Variants in SNTG1 observed in about 807,000 individuals in gnomAD.
The protein encoded by SNTG1 is syntrophin gamma 1, also known as gamma-1-syntrophin.
Under a neutral mutation model 74.7 loss-of-function variants are expected in SNTG1, and 39 were observed. The ratio of observed to expected loss-of-function variants is 0.52; its 90% CI spans 0.40 to 0.68. SNTG1 has a LOEUF of 0.68. Among genes scored for constraint, SNTG1 ranks in the 30% least tolerant of loss-of-function variants. SNTG1 has a pLI of 0.00. For missense variants in SNTG1, 685 were observed against 609.5 expected, an observed-to-expected ratio of 1.12 and a Z score of -1.30; for synonymous variants, 254 against 217.1, an observed-to-expected ratio of 1.17 and a Z score of -1.49.
intron 4 of SNTG1, among the ~76,000 whole-genome samples, chr8:50,411,705 T>C (rs943980559): frequency 3.3e-5 from 5 of 152,196 alleles, no homozygotes; most frequent in Non-Finnish European, 7.3e-5. Flanking sequence ...ATGTGATGTT[T>C]CTTTTTTGCC....
intron 15 of SNTG1, among the ~76,000 whole-genome samples, chr8:50,689,834 T>C (rs2095369639): frequency 6.6e-6 from 1 of 152,236 alleles, no homozygotes; most frequent in Non-Finnish European, 1.5e-5. Context: ...TACCAGCTCC[T>C]CTTTGTACCT....
intron 17 of SNTG1, among the ~76,000 whole-genome samples, chr8:50,718,257 C>T (rs977237910): frequency 6.6e-6 from 1 of 152,074 alleles, no homozygotes; most frequent in Non-Finnish European, 1.5e-5. Context: ...AGAACACTGA[C>T]AGAGGAGGAG....
At chr8:50,696,179 T>C (rs2095404522) in intron 15 of SNTG1, among the ~76,000 whole-genome samples, 1 of 152,122 alleles carries the variant, frequency 6.6e-6, no homozygotes, top group South Asian at 2.1e-4. Flanking sequence ...TAAGATGGTA[T>C]CTCACTGTGG....
chr8:50,177,810 C>G (rs1476541856), intron 2 of SNTG1, among the ~76,000 whole-genome samples: 3 of 152,212 alleles, frequency 2.0e-5, no homozygotes, highest in South Asian at 2.1e-4. Context: ...ATGGAACCAT[C>G]ATTACAGTGT....
At chr8:50,286,372 C>T (rs1222056430) in intron 2 of SNTG1, among the ~76,000 whole-genome samples, 1 of 152,156 alleles carries the variant, frequency 6.6e-6, no homozygotes, top group Non-Finnish European at 1.5e-5. Flanking sequence ...GTTTTCTTTG[C>T]CTGAAGTCAG....
intron 17 of SNTG1, among the ~76,000 whole-genome samples, chr8:50,731,407 T>G (rs536055706): frequency 1.3e-5 from 2 of 152,282 alleles, no homozygotes; most frequent in South Asian, 4.1e-4. Context: ...TTTAGTATCA[T>G]TATGCAAATT....
chr8:50,325,872 T>C (rs1239522095), intron 2 of SNTG1, among the ~76,000 whole-genome samples: 8 of 152,080 alleles, frequency 5.3e-5, no homozygotes, highest in Non-Finnish European at 1.0e-4. Context: ...AGTTATTCTG[T>C]AAATGTTCTT....
intron 5 of SNTG1, 35 bp downstream of exon 5, chr8:50,438,634 C>T (rs1263198896): frequency 1.9e-6 from 3 of 1,559,504 alleles, no homozygotes; most frequent in Admixed American, 1.7e-5. Flanking sequence ...TTACAAAGGC[C>T]ATGCCATAAG....
intron 17 of SNTG1, among the ~76,000 whole-genome samples, chr8:50,730,286 C>T (rs1297119585): frequency 1.3e-5 from 2 of 151,918 alleles, no homozygotes; most frequent in Admixed American, 6.6e-5. Context: ...TGAGTGAGGC[C>T]GAGGGGATGA....
intron 2 of SNTG1, among the ~76,000 whole-genome samples, chr8:50,293,127 T>C (rs1353119535): frequency 6.6e-6 from 1 of 151,264 alleles, no homozygotes; most frequent in African/African-American, 2.4e-5. Context: ...ACATCCAGGT[T>C]GTCTTGTCAC....
intron 8 of SNTG1, among the ~76,000 whole-genome samples, chr8:50,484,309 A>T (rs1269372572): frequency 6.6e-6 from 1 of 150,630 alleles, no homozygotes; most frequent in Non-Finnish European, 1.5e-5. Flanking sequence ...TCCACCTCCC[A>T]GGTTCAAGCA....
At chr8:50,356,106 A>T in intron 2 of SNTG1, among the ~76,000 whole-genome samples, 1 of 145,486 alleles carries the variant, frequency 6.9e-6, no homozygotes, top group African/African-American at 2.5e-5. Context: ...CTGATTTTCC[A>T]TCCATGTGCA....
intron 1 of SNTG1, chr8:50,164,230 C>T (rs1444223053): frequency 6.8e-6 from 1 of 146,858 alleles, no homozygotes; most frequent in Non-Finnish European, 1.5e-5. Context: ...GAGAATAGAA[C>T]ATTACTCTGC....
intron 13 of SNTG1, among the ~76,000 whole-genome samples, chr8:50,633,758 A>T (rs910802605): frequency 6.6e-6 from 1 of 152,190 alleles, no homozygotes; most frequent in African/African-American, 2.4e-5. Flanking sequence ...TACCCATGTT[A>T]TCATCTTCCT....
At chr8:50,672,536 GT>G (rs139442351) in intron 15 of SNTG1, among the ~76,000 whole-genome samples, 142,962 of 152,058 alleles carry the variant, frequency 0.94, 67,250 homozygotes, top group East Asian at 1. Context: ...GGGGTTGTTT[GT>G]TTTTTTTCTT....
At chr8:50,544,352 A>G (rs2094370598) in intron 11 of SNTG1, among the ~76,000 whole-genome samples, 1 of 151,996 alleles carries the variant, frequency 6.6e-6, no homozygotes, top group African/African-American at 2.4e-5. Flanking sequence ...CGTATGTTAG[A>G]TATTTCAAAA....
chr8:50,296,342 T>C (rs113842269), intron 2 of SNTG1, among the ~76,000 whole-genome samples: 1 of 152,182 alleles, frequency 6.6e-6, no homozygotes, highest in Non-Finnish European at 1.5e-5. Flanking sequence ...AATTTACAAT[T>C]GCAAAGACTT....
chr8:50,578,100 G>A (rs560092089), intron 12 of SNTG1, among the ~76,000 whole-genome samples: 3 of 152,334 alleles, frequency 2.0e-5, no homozygotes, highest in South Asian at 4.1e-4. Flanking sequence ...CTGCTAGACT[G>A]AGGGAAGTTA....
intron 1 of SNTG1, among the ~76,000 whole-genome samples, chr8:49,961,891 G>A (rs1043079020): frequency 2.6e-5 from 4 of 152,198 alleles, no homozygotes; most frequent in African/African-American, 7.2e-5. Context: ...CACCTCTTGA[G>A]TGTCCATCCA....
Sources: gnomAD v4.1 joint callset for allele counts (sites outside exome capture counted in the v4.1 genomes callset) on GRCh38, gnomAD v4.1.1 for gene constraint, MANE v1.5 for transcripts, NCBI Gene and HGNC (gene_info 2026-07-23, HGNC 2026-07-21) for gene names.